MDM1: variants seen among roughly 807,000 people sequenced by gnomAD.
MDM1 encodes the protein stabilizer of axonemal microtubules 6.
A neutral mutation model predicts 89.1 loss-of-function variants in MDM1; 61 were observed. The observed-to-expected ratio is 0.68, with a 90% CI of 0.56 to 0.85. The LOEUF (loss-of-function observed/expected upper bound fraction) is 0.85. Ranked by LOEUF, MDM1 falls within the 40% of genes least tolerant of loss-of-function variation. The pLI is 0.00. For synonymous variants in MDM1, 290 were observed against 294.1 expected, an observed-to-expected ratio of 0.99 and a Z score of 0.14; for missense variants, 820 against 846.5, an observed-to-expected ratio of 0.97 and a Z score of 0.39.
intron 2 of MDM1, 31 bp downstream of exon 2, chr12:68,331,076 G>T: frequency 1.6e-6 from 2 of 1,280,316 alleles, no homozygotes; most frequent in African/African-American, 1.5e-5. Flanking sequence ...CTTAGCCCAG[G>T]TTAGAATGGC....
In MDM1 at chr12:68,326,343, T is replaced by C; in HGVS notation, c.498+314A>G. ...CACCCTGCCAGAAGTAAGGGCCTAC[T>C]TCCCTTCTCTGTCTCAACTTGATCT... On this transcript the variant is annotated intron_variant, in intron 3 of 14. Coordinates refer to ENST00000682720, the MANE Select transcript of MDM1 (RefSeq NM_001354969.2). The C allele has an allele frequency of 1.6e-5, 22 of 1,398,108 alleles. No individual in the cohort carries two copies. The South Asian group carries it at 3.2e-4, about 20-fold the overall frequency. The allele number at this position is 1,398,108 out of a possible 1,614,324, so 86.6% of individuals were successfully genotyped here.
Position 68,313,720 on chromosome 12 carries a change from G to C in MDM1, c.1563C>G (p.Gly521=), listed in dbSNP as rs146121170. ...SDSSVSSEKG[G]RLPTPKLREL... ...CTCTCAGCTTGGGAGTAGGAAGCCG[G>C]CCTCCTTTTTCTGAGGATACAGAAG... is the stretch of plus-strand genomic sequence containing the variant. Residue 521 remains glycine (G), a synonymous_variant, in exon 11 of 15, where the codon GGC becomes GGG. Coordinates refer to ENST00000682720, the MANE Select transcript of MDM1 (RefSeq NM_001354969.2). 2 of 1,614,076 alleles carry C rather than the reference G, an allele frequency of 1.2e-6. No homozygotes were observed. Among genetic ancestry groups the C allele is most frequent in the Admixed American group, 3.3e-5 (2 of 60,020 alleles).
intron 12 of MDM1, among the ~76,000 whole-genome samples, chr12:68,310,843 C>A (rs923320665): frequency 1.4e-4 from 21 of 152,184 alleles, no homozygotes; most frequent in Non-Finnish European, 3.1e-4. Context: ...TCAACCTTTT[C>A]TCTGAATGTT....
intron 1 of MDM1, chr12:68,332,019 A>C (rs769967190): frequency 1.4e-6 from 1 of 720,134 alleles, no homozygotes; most frequent in East Asian, 2.7e-5. Context: ...TCTTCGACAC[A>C]CTGCAGCTTG....
At chr12:68,317,279 G>A (rs923557709) in intron 7 of MDM1, among the ~76,000 whole-genome samples, 12 of 151,956 alleles carry the variant, frequency 7.9e-5, no homozygotes, top group Admixed American at 2.0e-4. Flanking sequence ...ATTCCACAAT[G>A]TAAAAAAAAT....
chr12:68,306,957 T>A (rs1448282500), intron 12 of MDM1, among the ~76,000 whole-genome samples: 2 of 152,000 alleles, frequency 1.3e-5, no homozygotes, highest in Non-Finnish European at 2.9e-5. Flanking sequence ...CCATCAATAG[T>A]GGATTAGATA....
chr12:68,327,493 T>C lies in MDM1; in HGVS notation c.134-472A>G, dbSNP rs1444191334. On this transcript the variant is annotated intron_variant, in intron 2 of 14. Transcript: ENST00000682720. ...ATGTCACTGTGCTGGATCTTGGTTC[T>C]ACATCTGCCTTGATTTCCTGAGAAT... The C allele has an allele frequency of 2.5e-5, 38 of 1,535,774 alleles. 1 individual carries two copies. The highest frequency in any genetic ancestry group is 3.3e-5 in the Non-Finnish European group (38 of 1,146,690).
intron 3 of MDM1, chr12:68,326,279 A>G (rs544317631): frequency 6.4e-6 from 8 of 1,246,634 alleles, no homozygotes; most frequent in African/African-American, 6.1e-5. Context: ...CTTGTACACG[A>G]TAAGAAACTG....
intron 12 of MDM1, among the ~76,000 whole-genome samples, chr12:68,306,241 T>C (rs1162379217): frequency 6.6e-6 from 1 of 151,190 alleles, no homozygotes; most frequent in Admixed American, 6.6e-5. Flanking sequence ...TGGACCCCTA[T>C]CTCTCACTAT....
At chr12:68,316,539 T>G in intron 8 of MDM1, 42 bp downstream of exon 8, 4 of 1,473,764 alleles carry the variant, frequency 2.7e-6, no homozygotes. Flanking sequence ...ATTACACAAG[T>G]AATCTATGAT....
Position 68,332,292 on chromosome 12 carries a change from A to AT in MDM1, c.-48_-47insA. ...CGCTACTCCGACAGTTAACTGGAGAAAAAGCTCCGAGGGGGCGGGGCGATA... is the reference window on the plus strand; with the variant it reads ...CGCTACTCCGACAGTTAACTGGAGAATAAAGCTCCGAGGGGGCGGGGCGATA... On this transcript the variant is annotated 5_prime_UTR_variant, in exon 1 of 15. Coordinates refer to ENST00000682720, the MANE Select transcript of MDM1 (RefSeq NM_001354969.2). The AT allele has an allele frequency of 6.4e-7, 1 of 1,556,844 alleles. No homozygotes were observed. The highest frequency in any genetic ancestry group is 8.7e-7 in the Non-Finnish European group (1 of 1,152,650).
chr12:68,315,334 G>A lies in MDM1; in HGVS notation c.1212-69C>T, dbSNP rs923729714. On this transcript the variant is annotated intron_variant, in intron 9 of 14. Transcript: ENST00000682720. ...ACTTTTCTAATCAACACCAATTTTA[G>A]TGAGTCCATCATTTCCTTCTACTGT... 9.9e-6 allele frequency: 14 copies of A among 1,420,878 alleles called. No individual in the cohort carries two copies. The African/African-American group carries it at 1.4e-4, about 14-fold the overall frequency. The allele number at this position is 1,420,878 out of a possible 1,614,324, so 88.0% of individuals were successfully genotyped here.
intron 2 of MDM1, among the ~76,000 whole-genome samples, chr12:68,327,915 GC>G (rs1248176670): frequency 6.6e-6 from 1 of 152,194 alleles, no homozygotes; most frequent in Non-Finnish European, 1.5e-5. Flanking sequence ...GAAGTGGGCA[GC>G]TTAAGGGAAT....
At chr12:68,295,808 C>G (rs975655946) in intron 14 of MDM1, among the ~76,000 whole-genome samples, 2 of 152,192 alleles carry the variant, frequency 1.3e-5, no homozygotes, top group African/African-American at 4.8e-5. Context: ...AATAATCTCA[C>G]TAAATGTAGA....
chr12:68,316,260 A>C lies in MDM1; in HGVS notation c.1036-7T>G, dbSNP rs1241185791. 2 of 1,610,172 alleles carry C rather than the reference A, an allele frequency of 1.2e-6. No homozygotes were observed. The highest frequency in any genetic ancestry group is 1.7e-6 in the Non-Finnish European group (2 of 1,178,120). ...TTTCTCGGAGTTCTTTAACCTATTC[A>C]GGAGAGTTCAGACATCATATACTAT... On this transcript the variant is annotated splice_polypyrimidine_tract_variant and splice_region_variant and intron_variant, in intron 8 of 14. Transcript: ENST00000682720.
chr12:68,327,569 T>C, intron 2 of MDM1: 2 of 1,475,842 alleles, frequency 1.4e-6, no homozygotes, highest in Non-Finnish European at 1.8e-6. Flanking sequence ...TTTCTCTATA[T>C]TTCTGTATGG....
At chr12:68,326,130 C>G in intron 3 of MDM1, 1 of 1,013,722 alleles carries the variant, frequency 9.9e-7, no homozygotes, top group African/African-American at 1.7e-5. Context: ...ACACAAGTTC[C>G]TGCAGCCTCT....
At chr12:68,320,290 G>A (rs113107810) in intron 7 of MDM1, among the ~76,000 whole-genome samples, 6,379 of 152,264 alleles carry the variant, frequency 0.042, 410 homozygotes, top group African/African-American at 0.14. Flanking sequence ...TTTCACTAAG[G>A]TGAATATATG....
intron 2 of MDM1, 27 bp downstream of exon 2, chr12:68,331,080 G>A (rs1876730837): frequency 1.5e-6 from 2 of 1,305,622 alleles, no homozygotes; most frequent in East Asian, 4.6e-5. Flanking sequence ...GCCCAGGTTA[G>A]AATGGCTATT....
Sources: gnomAD v4.1 joint callset for allele counts (sites outside exome capture counted in the v4.1 genomes callset) on GRCh38, gnomAD v4.1.1 for gene constraint, MANE v1.5 for transcripts, NCBI Gene and HGNC (gene_info 2026-07-23, HGNC 2026-07-21) for gene names.